Variants in SOX5 observed in about 807,000 individuals in gnomAD.
SOX5 encodes SRY-box transcription factor 5.
Under a neutral mutation model 92.0 loss-of-function variants are expected in SOX5, and 9 were observed. The observed-to-expected ratio is 0.10, with a 90% CI of 0.06 to 0.17. The LOEUF (loss-of-function observed/expected upper bound fraction) is 0.17. SOX5 is among the 10% of genes least tolerant of loss of function. The probability of loss-of-function intolerance (pLI) is 1.00; values close to 1 mark genes in which losing one functional copy is unlikely to be tolerated. For missense variants in SOX5, 642 were observed against 944.5 expected, an observed-to-expected ratio of 0.68 and a Z score of 4.20; for synonymous variants, 344 against 336.3, an observed-to-expected ratio of 1.02 and a Z score of -0.25.
At chr12:24,193,666 T>C (rs1956741156) in intron 4 of SOX5, among the ~76,000 whole-genome samples, 1 of 152,208 alleles carries the variant, frequency 6.6e-6, no homozygotes, top group Admixed American at 6.5e-5. Flanking sequence ...AGTGAGGCAT[T>C]AGATGGTTAT....
chr12:23,732,824 G>A (rs2093440835), intron 6 of SOX5, among the ~76,000 whole-genome samples: 1 of 152,094 alleles, frequency 6.6e-6, no homozygotes, highest in East Asian at 1.9e-4. Flanking sequence ...GTGGTCTTGG[G>A]CATGTTGTTA....
In SOX5 at chr12:24,058,666, T is replaced by C. The variant is rs1487202431; in HGVS notation, c.-2+154677A>G. Among the ~76,000 whole-genome samples the C allele has an allele frequency of 2.0e-5, 3 of 152,224 alleles. No individual in the cohort carries two copies. In the East Asian group the frequency reaches 5.8e-4, roughly 29 times the overall value. The stretch of plus-strand genomic sequence containing the variant: ...TTATTGTCTCAGGTTGGTTAAAAGA[T>C]ACAGGCTTTTTAGCCTTTAGGATAC... On this transcript the variant is annotated intron_variant, in intron 4 of 4. Transcript: ENST00000446891.
chr12:23,579,572 A>G (rs909062645), intron 9 of SOX5, among the ~76,000 whole-genome samples: 5 of 152,190 alleles, frequency 3.3e-5, no homozygotes, highest in Admixed American at 2.6e-4. Flanking sequence ...TCATTTGACT[A>G]GATGAAAATT....
chr12:24,418,398 G>A (rs1237177839), intron 1 of SOX5, among the ~76,000 whole-genome samples: 2 of 152,210 alleles, frequency 1.3e-5, no homozygotes, highest in East Asian at 3.9e-4. Flanking sequence ...CATTCACTTG[G>A]AAATGAGGTT....
At chr12:24,556,979 G>C (rs889796478) in intron 1 of SOX5, among the ~76,000 whole-genome samples, 1 of 152,160 alleles carries the variant, frequency 6.6e-6, no homozygotes, top group Non-Finnish European at 1.5e-5. Flanking sequence ...GCTGAGTGTA[G>C]CTAACATTTA....
At chr12:24,263,868 C>CA (rs1942628731) in intron 3 of SOX5, among the ~76,000 whole-genome samples, 1 of 152,148 alleles carries the variant, frequency 6.6e-6, no homozygotes, top group Non-Finnish European at 1.5e-5. Context: ...TTCCTGCACA[C>CA]TTGTACTTTC....
At chr12:24,339,354 G>A (rs1024124967) in intron 2 of SOX5, among the ~76,000 whole-genome samples, 3 of 152,190 alleles carry the variant, frequency 2.0e-5, no homozygotes, top group Non-Finnish European at 2.9e-5. Flanking sequence ...ATAAGGAGCA[G>A]CAGCAGAAAG....
intron 8 of SOX5, among the ~76,000 whole-genome samples, chr12:23,606,904 C>A (rs562215961): frequency 1.3e-5 from 2 of 151,622 alleles, no homozygotes; most frequent in African/African-American, 4.9e-5. Flanking sequence ...GTTGAATATG[C>A]AATATTTCTA....
chr12:23,669,306 C>T (rs527659291), intron 6 of SOX5, among the ~76,000 whole-genome samples: 103 of 151,834 alleles, frequency 6.8e-4, no homozygotes, highest in Non-Finnish European at 1.2e-3. Flanking sequence ...AGGTATAGGG[C>T]CTGAATAGGT....
intron 4 of SOX5, among the ~76,000 whole-genome samples, chr12:24,207,878 A>G (rs1015672131): frequency 2.6e-5 from 4 of 152,204 alleles, no homozygotes; most frequent in Admixed American, 6.5e-5. Flanking sequence ...AGAATCTCCA[A>G]TGTGGAATAC....
intron 1 of SOX5, among the ~76,000 whole-genome samples, chr12:24,494,900 T>C (rs1947460699): frequency 1.3e-5 from 2 of 152,148 alleles, no homozygotes; most frequent in Non-Finnish European, 2.9e-5. Flanking sequence ...TCGCAAAATA[T>C]AGACAACTGG....
intron 2 of SOX5, among the ~76,000 whole-genome samples, chr12:23,862,326 C>A (rs751609824): frequency 2.0e-5 from 3 of 152,068 alleles, no homozygotes; most frequent in Non-Finnish European, 4.4e-5. Context: ...ATTGCATGAG[C>A]AATAATATTG....
chr12:24,176,720 TACATTGC>T (rs1245283533), intron 4 of SOX5, among the ~76,000 whole-genome samples: 1 of 152,190 alleles, frequency 6.6e-6, no homozygotes, highest in Non-Finnish European at 1.5e-5. Flanking sequence ...TTTTCTTACA[TACATTGC>T]ACTAGGGGCA....
intron 1 of SOX5, among the ~76,000 whole-genome samples, chr12:24,497,374 G>A (rs1947746922): frequency 6.6e-6 from 1 of 152,212 alleles, no homozygotes; most frequent in African/African-American, 2.4e-5. Context: ...GCCAGGCAGA[G>A]TGTCAAAGAG....
At chr12:24,224,876 G>A (rs1205160862) in intron 3 of SOX5, among the ~76,000 whole-genome samples, 1 of 152,046 alleles carries the variant, frequency 6.6e-6, no homozygotes. Context: ...CCACACAGAG[G>A]CTACATAGGC....
At chr12:23,607,930 G>A (rs1162716234) in intron 8 of SOX5, among the ~76,000 whole-genome samples, 3 of 151,642 alleles carry the variant, frequency 2.0e-5, no homozygotes, top group East Asian at 3.9e-4. Flanking sequence ...CTAAAACATC[G>A]GAAACAAACA....
intron 4 of SOX5, among the ~76,000 whole-genome samples, chr12:24,179,998 G>T (rs1349646499): frequency 6.6e-6 from 1 of 150,978 alleles, no homozygotes; most frequent in African/African-American, 2.4e-5. Flanking sequence ...CCCAGGTTAT[G>T]CAGTGGTAGT....
At chr12:24,453,117 C>A (rs762112982) in intron 1 of SOX5, among the ~76,000 whole-genome samples, 24 of 152,048 alleles carry the variant, frequency 1.6e-4, no homozygotes, top group Non-Finnish European at 2.6e-4. Flanking sequence ...TTCAGAAAAT[C>A]TATTGAAGAG....
chr12:23,770,776 T>C (rs1215497049), intron 3 of SOX5, among the ~76,000 whole-genome samples: 1 of 152,184 alleles, frequency 6.6e-6, no homozygotes, highest in Non-Finnish European at 1.5e-5. Context: ...GGGCATTCTT[T>C]ATCCCATGCA....
Sources: allele counts gnomAD v4.1 joint callset (sites outside exome capture counted in the v4.1 genomes callset), GRCh38; gene constraint gnomAD v4.1.1; transcripts MANE v1.5; gene names NCBI Gene and HGNC (gene_info 2026-07-23, HGNC 2026-07-21).